Variants in CDYL observed in about 807,000 individuals in gnomAD.
CDYL encodes chromodomain Y-like protein.
In CDYL, 8 loss-of-function variants were observed where a neutral mutation model predicts 47.3. The ratio of observed to expected loss-of-function variants is 0.17; its 90% CI spans 0.10 to 0.31. The LOEUF is 0.31. Among genes scored for constraint, CDYL ranks in the 10% least tolerant of loss-of-function variants. The probability of loss-of-function intolerance (pLI) is 1.00; values close to 1 mark genes in which losing one functional copy is unlikely to be tolerated. For missense variants in CDYL, 471 were observed against 701.4 expected (o/e 0.67, Z 3.71); for synonymous variants, 266 against 265.0 (o/e 1.00, Z -0.04).
rs540600973 is a variant in CDYL, at chr6:4,841,820, G to A, written c.25-49893G>A. 5.9e-5 allele frequency among the ~76,000 whole-genome samples: 9 copies of A among 151,598 alleles called. No homozygotes were observed. In the East Asian group the frequency reaches 9.6e-4, roughly 16 times the overall value. ...CCTTGTTTTGTGGCCTATCATATGG[G>A]CTATCTTGGAGAATGTTCCATGTGC... On this transcript the variant is annotated intron_variant, in intron 1 of 6. Coordinates refer to ENST00000397588, the MANE Select transcript of CDYL (RefSeq NM_004824.4).
At chr6:4,862,255 T>C (rs772351507) in intron 1 of CDYL, among the ~76,000 whole-genome samples, 6 of 152,186 alleles carry the variant, frequency 3.9e-5, no homozygotes, top group African/African-American at 7.2e-5. Flanking sequence ...TTGAAATAAA[T>C]ATTTGTTTGA....
At chr6:4,746,132 G>A (rs999565612) in intron 3 of CDYL, among the ~76,000 whole-genome samples, 1 of 152,134 alleles carries the variant, frequency 6.6e-6, no homozygotes, top group African/African-American at 2.4e-5. Flanking sequence ...TTGGGAGGCT[G>A]AGGCAGGTGG....
intron 2 of CDYL, among the ~76,000 whole-genome samples, chr6:4,916,606 CGG>C (rs11313942): frequency 5.7e-4 from 87 of 151,324 alleles, no homozygotes; most frequent in Non-Finnish European, 9.7e-4. Flanking sequence ...CCAGATGTAT[CGG>C]GGGGGGGCGG....
intron 1 of CDYL, among the ~76,000 whole-genome samples, chr6:4,839,589 T>A (rs1760427240): frequency 6.6e-6 from 1 of 152,242 alleles, no homozygotes; most frequent in Non-Finnish European, 1.5e-5. Context: ...TTGAGTTGAT[T>A]TTTGTTTAAG....
intron 2 of CDYL, among the ~76,000 whole-genome samples, chr6:4,904,827 G>C (rs12195561): frequency 1.3e-5 from 2 of 152,130 alleles, no homozygotes; most frequent in Non-Finnish European, 2.9e-5. Flanking sequence ...GTTGTACTTA[G>C]GACCCGTGTT....
chr6:4,906,581 T>TC (rs1211559654), intron 2 of CDYL, among the ~76,000 whole-genome samples: 1 of 152,212 alleles, frequency 6.6e-6, no homozygotes, highest in African/African-American at 2.4e-5. Context: ...GCTTCTGATT[T>TC]CCGTGATTTG....
rs1427231175 is a variant in CDYL at position 4,955,270 on chromosome 6, A to G, written c.*1214A>G. On this transcript the variant is annotated 3_prime_UTR_variant, in exon 7 of 7. Coordinates refer to ENST00000397588, the MANE Select transcript of CDYL (RefSeq NM_004824.4). ...GTTAGGCTTCTGAGCTTGCAATCAT[A>G]TTGAATGTATGAAGAGCGAAATCAA... The G allele has an allele frequency of 6.6e-6, 1 of 152,592 alleles. No individual in the cohort carries two copies. Among genetic ancestry groups the G allele is most frequent in the African/African-American group, 2.4e-5 (1 of 41,432 alleles). 9.5% of individuals were successfully genotyped at this position (152,592 alleles called of 1,614,324 possible).
chr6:4,813,681 C>CT (rs1759589935), intron 1 of CDYL, among the ~76,000 whole-genome samples: 1 of 152,054 alleles, frequency 6.6e-6, no homozygotes, highest in Non-Finnish European at 1.5e-5. Context: ...TTATTAGAAT[C>CT]TAATTAGTTG....
At chr6:4,717,913 A>C (rs1056808618) in intron 2 of CDYL, among the ~76,000 whole-genome samples, 1 of 150,934 alleles carries the variant, frequency 6.6e-6, no homozygotes, top group Non-Finnish European at 1.5e-5. Flanking sequence ...GTGGCTCAGG[A>C]CGGCTCACAA....
At chr6:4,793,819 G>A (rs1758996339) in intron 1 of CDYL, among the ~76,000 whole-genome samples, 1 of 152,158 alleles carries the variant, frequency 6.6e-6, no homozygotes, top group African/African-American at 2.4e-5. Flanking sequence ...GAGGGAATGA[G>A]AAGGAATAGA....
intron 1 of CDYL, among the ~76,000 whole-genome samples, chr6:4,829,647 T>A (rs1760078921): frequency 6.6e-6 from 1 of 152,328 alleles, no homozygotes; most frequent in African/African-American, 2.4e-5. Flanking sequence ...TGTGGACTTG[T>A]TTGTATATCT....
chr6:4,742,125 A>C (rs773456480), intron 3 of CDYL, among the ~76,000 whole-genome samples: 2 of 152,156 alleles, frequency 1.3e-5, no homozygotes, highest in South Asian at 4.1e-4. Flanking sequence ...TTTTGGGATT[A>C]CTCAGATCAC....
At chr6:4,920,751 G>A (rs1174597134) in intron 2 of CDYL, among the ~76,000 whole-genome samples, 1 of 152,160 alleles carries the variant, frequency 6.6e-6, no homozygotes, top group African/African-American at 2.4e-5. Context: ...CTGGAGGTGG[G>A]ATTACAGTCA....
At chr6:4,894,728 C>T (rs535812550) in intron 2 of CDYL, among the ~76,000 whole-genome samples, 8 of 152,198 alleles carry the variant, frequency 5.3e-5, no homozygotes, top group African/African-American at 1.2e-4. Flanking sequence ...GGATTACAGG[C>T]GTGAGCCACT....
intron 1 of CDYL, among the ~76,000 whole-genome samples, chr6:4,847,964 C>G (rs1041756355): frequency 3.3e-5 from 5 of 152,142 alleles, no homozygotes; most frequent in African/African-American, 1.2e-4. Flanking sequence ...CGAAAGCTTT[C>G]CTGAGGGTTT....
chr6:4,869,862 A>G lies in CDYL; in HGVS notation c.25-21851A>G, dbSNP rs563524752. Among the ~76,000 whole-genome samples, 3 of 152,306 alleles carry G rather than the reference A, an allele frequency of 2.0e-5. 1 individual carries two copies. Among genetic ancestry groups the G allele is most frequent in the South Asian group, 4.1e-4 (2 of 4,832 alleles). ...AATAAAGAGAAGAAGCAATATTCAA[A>G]TAGTCTTCTGTATTTACTCACATAT... On this transcript the variant is annotated intron_variant, in intron 1 of 6. Coordinates refer to ENST00000397588, the MANE Select transcript of CDYL (RefSeq NM_004824.4).
At chr6:4,769,210 G>T (rs1238203186) in intron 3 of CDYL, among the ~76,000 whole-genome samples, 1 of 152,128 alleles carries the variant, frequency 6.6e-6, no homozygotes, top group African/African-American at 2.4e-5. Context: ...TATCAATATT[G>T]GTTCACTAAT....
At chr6:4,878,471 G>T (rs1054531276) in intron 1 of CDYL, among the ~76,000 whole-genome samples, 11 of 151,642 alleles carry the variant, frequency 7.3e-5, no homozygotes, top group African/African-American at 2.2e-4. Context: ...GTGTAAAATA[G>T]CCATATATGT....
chr6:4,789,961 C>A (rs2063675), intron 1 of CDYL, among the ~76,000 whole-genome samples: 1,552 of 152,316 alleles, frequency 0.01, 39 homozygotes, highest in African/African-American at 0.035. Flanking sequence ...TGTGCTCCCC[C>A]TTCCCTGTGG....
Sources: gnomAD v4.1 joint callset for allele counts (sites outside exome capture counted in the v4.1 genomes callset) on GRCh38, gnomAD v4.1.1 for gene constraint, MANE v1.5 for transcripts, NCBI Gene and HGNC (gene_info 2026-07-23, HGNC 2026-07-21) for gene names.